Variants in DNASE1L3 observed in about 807,000 individuals in gnomAD.
The protein encoded by DNASE1L3 is deoxyribonuclease 1L3, also known as deoxyribonuclease gamma.
DNASE1L3 carries 27 observed loss-of-function variants against 30.9 expected under a neutral mutation model. That is an observed-to-expected ratio of 0.87 (90% CI 0.64 to 1.20). DNASE1L3 has a LOEUF of 1.20. Ranked by LOEUF, DNASE1L3 falls within the 50% of genes most tolerant of loss-of-function variation. The pLI is 0.00. For missense variants in DNASE1L3, 364 were observed against 378.2 expected, an observed-to-expected ratio of 0.96 and a Z score of 0.31; for synonymous variants, 135 against 138.0, an observed-to-expected ratio of 0.98 and a Z score of 0.15.
At chr3:58,201,180 A>C in intron 4 of DNASE1L3, 71 bp from the exon 5 acceptor site, 1 of 1,290,596 alleles carries the variant, frequency 7.7e-7, no homozygotes, top group Non-Finnish European at 1.1e-6. Flanking sequence ...GCTGGAGGGA[A>C]ACCAGCTGTC....
In DNASE1L3 at chr3:58,208,280, G is replaced by A. The variant is rs575541618; in HGVS notation, c.168C>T (p.Leu56=). 7.4e-6 allele frequency: 12 copies of A among 1,614,170 alleles called. No individual in the cohort carries two copies. Among genetic ancestry groups the A allele is most frequent in the African/African-American group, 6.7e-5 (5 of 75,040 alleles). The change falls in exon 2 of 8, where the codon CTC becomes CTT. Residue 56 remains leucine (L), a synonymous_variant. Coordinates refer to ENST00000394549, the MANE Select transcript of DNASE1L3 (RefSeq NM_004944.4). ...VKVIKRCDII[L]VMEIKDSNNR... ...TGTTGCTGTCCTTGATTTCCATCAC[G>A]AGTATGATGTCACAGCGTTTGATGA...
intron 6 of DNASE1L3, among the ~76,000 whole-genome samples, chr3:58,194,683 T>C (rs2097396154): frequency 7.1e-6 from 1 of 140,326 alleles, no homozygotes; most frequent in African/African-American, 2.7e-5. Context: ...TAGAGTGCAG[T>C]GGCGCAATCT....
chr3:58,206,219 G>A (rs2097403815), intron 2 of DNASE1L3, among the ~76,000 whole-genome samples: 1 of 152,196 alleles, frequency 6.6e-6, no homozygotes, highest in African/African-American at 2.4e-5. Flanking sequence ...TACCAAACCT[G>A]CTGATAACTC....
chr3:58,207,444 C>CTG, intron 2 of DNASE1L3, among the ~76,000 whole-genome samples: 1 of 30,010 alleles, frequency 3.3e-5, no homozygotes, highest in Admixed American at 3.4e-4. Flanking sequence ...TGATCACACC[C>CTG]CCCCCCCCCC....
chr3:58,195,643 G>A (rs1444871820), intron 6 of DNASE1L3, among the ~76,000 whole-genome samples: 2 of 103,440 alleles, frequency 1.9e-5, no homozygotes, highest in Admixed American at 9.5e-5. Context: ...AAAAAAAGCG[G>A]GGCATGTTTG....
chr3:58,196,910 C>A (rs1419280342), intron 6 of DNASE1L3, among the ~76,000 whole-genome samples: 1 of 152,208 alleles, frequency 6.6e-6, no homozygotes, highest in Non-Finnish European at 1.5e-5. Context: ...AATACCGTTG[C>A]ACTAATTGGT....
At chr3:58,201,835 T>C (rs991815825) in intron 4 of DNASE1L3, among the ~76,000 whole-genome samples, 6 of 152,246 alleles carry the variant, frequency 3.9e-5, no homozygotes, top group Non-Finnish European at 8.8e-5. Flanking sequence ...GCTCTCGCCA[T>C]TGTTCCATCT....
rs950990237 is a variant in DNASE1L3 at position 58,207,448 on chromosome 3, C to A, written c.230+770G>T. On this transcript the variant is annotated intron_variant, in intron 2 of 7. Coordinates refer to ENST00000394549, the MANE Select transcript of DNASE1L3 (RefSeq NM_004944.4). ...CCACAGCTCTCTGATCACACCCCCC[C>A]CCCCCCCACCAGAAGTAACCACTAT... 1.9e-3 allele frequency among the ~76,000 whole-genome samples: 99 copies of A among 51,646 alleles called. 7 individuals are homozygous for A. Among genetic ancestry groups the A allele is most frequent in the South Asian group, 9.5e-4 (1 of 1,048 alleles). The allele number at this position is 51,646 out of a possible 152,430, so 33.9% of individuals were successfully genotyped here. A position where few individuals can be genotyped will look rare whatever the true frequency, so the allele number is the denominator to read the frequency against.
intron 6 of DNASE1L3, among the ~76,000 whole-genome samples, chr3:58,196,236 C>G (rs1013967623): frequency 1.3e-5 from 2 of 151,882 alleles, no homozygotes; most frequent in East Asian, 3.9e-4. Flanking sequence ...AAAGGAAACA[C>G]CAGCCTCAAA....
intron 4 of DNASE1L3, among the ~76,000 whole-genome samples, chr3:58,203,057 A>G (rs2097401812): frequency 6.6e-6 from 1 of 152,180 alleles, no homozygotes; most frequent in Non-Finnish European, 1.5e-5. Context: ...ACCTGCTAAC[A>G]GCAGCTGTCG....
chr3:58,209,343 C>A (rs771267903), intron 1 of DNASE1L3, among the ~76,000 whole-genome samples: 1 of 152,164 alleles, frequency 6.6e-6, no homozygotes, highest in East Asian at 1.9e-4. Context: ...AAAAGACAGC[C>A]GGGTTTCATC....
At chr3:58,208,620 C>A (rs1314025776) in intron 1 of DNASE1L3, among the ~76,000 whole-genome samples, 3 of 152,148 alleles carry the variant, frequency 2.0e-5, no homozygotes, top group African/African-American at 7.2e-5. Flanking sequence ...CAATATCCTG[C>A]CTCTTGGCTT....
chr3:58,210,972 C>A lies in DNASE1L3; in HGVS notation c.-66G>T. 1.9e-6 allele frequency: 3 copies of A among 1,585,630 alleles called. No individual in the cohort carries two copies. The highest frequency in any genetic ancestry group is 2.6e-6 in the Non-Finnish European group (3 of 1,162,960). On this transcript the variant is annotated 5_prime_UTR_variant, in exon 1 of 8. Coordinates refer to ENST00000394549, the MANE Select transcript of DNASE1L3 (RefSeq NM_004944.4). ...CAGTGCTTGGAGTGCTGGATTCTGG[C>A]CACTTCCGCAGGCTCCACTGACTTA... is the stretch of plus-strand genomic sequence containing the variant.
intron 4 of DNASE1L3, among the ~76,000 whole-genome samples, chr3:58,201,851 G>C (rs1244838976): frequency 6.6e-6 from 1 of 152,172 alleles, no homozygotes; most frequent in East Asian, 1.9e-4. Flanking sequence ...CATCTGCAAG[G>C]AGCACCCTTT....
At chr3:58,210,167 CAA>C (rs1298528596) in intron 1 of DNASE1L3, among the ~76,000 whole-genome samples, 4 of 118,608 alleles carry the variant, frequency 3.4e-5, no homozygotes, top group Non-Finnish European at 7.2e-5. Context: ...AAGAAAGAAA[CAA>C]AGAAAAAGAG....
chr3:58,201,827 T>C (rs936375631), intron 4 of DNASE1L3, among the ~76,000 whole-genome samples: 1 of 152,224 alleles, frequency 6.6e-6, no homozygotes, highest in Non-Finnish European at 1.5e-5. Context: ...TCAGGTGTGC[T>C]CTCGCCATTG....
At chr3:58,198,789 G>A (rs1026588456) in intron 5 of DNASE1L3, among the ~76,000 whole-genome samples, 3 of 152,140 alleles carry the variant, frequency 2.0e-5, no homozygotes, top group Non-Finnish European at 4.4e-5. Flanking sequence ...TTTGGGTGGT[G>A]TATTGACAAC....
chr3:58,194,856 C>T (rs2097396311), intron 6 of DNASE1L3, among the ~76,000 whole-genome samples: 1 of 151,736 alleles, frequency 6.6e-6, no homozygotes, highest in East Asian at 2.0e-4. Flanking sequence ...TCTCGATCTC[C>T]TGACCTCGTG....
At chr3:58,207,955 T>C (rs1263830400) in intron 2 of DNASE1L3, 1 of 394,268 alleles carries the variant, frequency 2.5e-6, no homozygotes, top group Admixed American at 4.1e-5. Flanking sequence ...AACTGTACTT[T>C]TTAGCTCAGC....
Sources: gnomAD v4.1 joint callset for allele counts (sites outside exome capture counted in the v4.1 genomes callset) on GRCh38, gnomAD v4.1.1 for gene constraint, MANE v1.5 for transcripts, NCBI Gene and HGNC (gene_info 2026-07-23, HGNC 2026-07-21) for gene names.